Variants in MAN2A1 observed in about 807,000 individuals in gnomAD.
MAN2A1 encodes the protein alpha-mannosidase 2.
In MAN2A1, 76 loss-of-function variants were observed where a neutral mutation model predicts 142.6. The ratio of observed to expected loss-of-function variants is 0.53; its 90% CI spans 0.44 to 0.65. The LOEUF is 0.65. MAN2A1 is among the 30% of genes least tolerant of loss of function. The probability of loss-of-function intolerance (pLI) is 0.00; values close to 1 mark genes in which losing one functional copy is unlikely to be tolerated. For missense variants in MAN2A1, 1,311 were observed against 1,365.1 expected, an observed-to-expected ratio of 0.96 and a Z score of 0.62; for synonymous variants, 559 against 473.2, an observed-to-expected ratio of 1.18 and a Z score of -2.35.
intron 16 of MAN2A1, among the ~76,000 whole-genome samples, chr5:109,838,001 C>G (rs565462224): frequency 4.6e-5 from 7 of 151,426 alleles, no homozygotes; most frequent in African/African-American, 1.7e-4. Context: ...AACTGGAATG[C>G]AAAGATGGTG....
At chr5:109,779,435 C>T (rs949044846) in intron 8 of MAN2A1, among the ~76,000 whole-genome samples, 4 of 151,988 alleles carry the variant, frequency 2.6e-5, no homozygotes, top group Admixed American at 1.3e-4. Context: ...ATATTTAGAT[C>T]GTAGACTATT....
intron 4 of MAN2A1, among the ~76,000 whole-genome samples, chr5:109,733,402 G>A (rs982454127): frequency 5.3e-5 from 8 of 152,144 alleles, no homozygotes; most frequent in Non-Finnish European, 1.0e-4. Context: ...ACACTATGTT[G>A]AATAGGAGTG....
intron 8 of MAN2A1, among the ~76,000 whole-genome samples, chr5:109,777,501 C>G: frequency 6.6e-6 from 1 of 151,964 alleles, no homozygotes; most frequent in East Asian, 1.9e-4. Flanking sequence ...AATGTTGTCT[C>G]CTACTATGTA....
At chr5:109,806,073 C>T (rs1286710989) in intron 12 of MAN2A1, among the ~76,000 whole-genome samples, 1 of 152,110 alleles carries the variant, frequency 6.6e-6, no homozygotes, top group Admixed American at 6.6e-5. Context: ...GGTGGGGAGG[C>T]TTTGGAGTGA....
chr5:109,801,179 T>C (rs1460357127), intron 12 of MAN2A1, among the ~76,000 whole-genome samples: 1 of 152,176 alleles, frequency 6.6e-6, no homozygotes, highest in Non-Finnish European at 1.5e-5. Context: ...ATGGGTTCCA[T>C]GGTGCCGTCA....
chr5:109,818,013 C>T (rs1397655210), intron 13 of MAN2A1, among the ~76,000 whole-genome samples: 1 of 152,108 alleles, frequency 6.6e-6, no homozygotes, highest in African/African-American at 2.4e-5. Context: ...ATCACTGTAC[C>T]ACTAGAAAGG....
At chr5:109,795,924 G>A (rs1410120231) in intron 12 of MAN2A1, among the ~76,000 whole-genome samples, 2 of 152,036 alleles carry the variant, frequency 1.3e-5, no homozygotes, top group African/African-American at 4.8e-5. Flanking sequence ...ATGGTAATGT[G>A]GCCTTGTAGC....
intron 1 of MAN2A1, among the ~76,000 whole-genome samples, chr5:109,710,364 A>G (rs957617858): frequency 2.0e-5 from 3 of 152,204 alleles, no homozygotes; most frequent in African/African-American, 7.2e-5. Flanking sequence ...TTCAGTGTGT[A>G]CTTGTTGAGC....
At chr5:109,847,026 C>A (rs1001385191) in intron 18 of MAN2A1, among the ~76,000 whole-genome samples, 1 of 151,876 alleles carries the variant, frequency 6.6e-6, no homozygotes, top group African/African-American at 2.4e-5. Flanking sequence ...GAAGAAGAGT[C>A]CAGAAGTCTG....
intron 6 of MAN2A1, 57 bp from the exon 7 acceptor site, chr5:109,770,298 T>C: frequency 6.7e-7 from 1 of 1,488,672 alleles, no homozygotes. Flanking sequence ...ATTTTGAATA[T>C]TTTTTGGGAA....
At chr5:109,825,841 G>T (rs1051599260) in intron 16 of MAN2A1, among the ~76,000 whole-genome samples, 5 of 149,992 alleles carry the variant, frequency 3.3e-5, no homozygotes, top group Admixed American at 1.3e-4. Flanking sequence ...CTATTTGCTG[G>T]TCTTGCCTCT....
At chr5:109,704,652 C>T (rs1298683163) in intron 1 of MAN2A1, among the ~76,000 whole-genome samples, 1 of 152,062 alleles carries the variant, frequency 6.6e-6, no homozygotes, top group Non-Finnish European at 1.5e-5. Context: ...CTGTTAAGTT[C>T]CAGAGATCTG....
intron 5 of MAN2A1, among the ~76,000 whole-genome samples, chr5:109,762,771 T>C (rs534363477): frequency 6.6e-6 from 1 of 152,302 alleles, no homozygotes; most frequent in African/African-American, 2.4e-5. Context: ...GTGAACACAC[T>C]TAACAACACT....
chr5:109,708,539 C>CACACACAA (rs1470969692), intron 1 of MAN2A1, among the ~76,000 whole-genome samples: 2 of 151,556 alleles, frequency 1.3e-5, no homozygotes, highest in African/African-American at 2.4e-5. Flanking sequence ...CACACACACA[C>CACACACAA]ACACACATGA....
At chr5:109,780,351 A>C (rs1213302396) in intron 8 of MAN2A1, among the ~76,000 whole-genome samples, 2 of 151,922 alleles carry the variant, frequency 1.3e-5, no homozygotes, top group Non-Finnish European at 2.9e-5. Flanking sequence ...GAGCCACCAC[A>C]CCCGGCCAGT....
chr5:109,855,342 T>G lies in MAN2A1; in HGVS notation c.3171+8T>G. 1 of 1,499,002 alleles carries G rather than the reference T, an allele frequency of 6.7e-7. No individual in the cohort carries two copies. The highest frequency in any genetic ancestry group is 8.9e-7 in the Non-Finnish European group (1 of 1,124,460). 92.9% of individuals were successfully genotyped at this position (1,499,002 alleles called of 1,614,324 possible). On this transcript the variant is annotated splice_region_variant and intron_variant, in intron 20 of 21. Transcript: ENST00000261483. ...AGAACAATACAGTCAAAGGTATGTC[T>G]CAAAATATATCTTATAAAAAATTAC...
chr5:109,781,775 A>T (rs1753465110), intron 9 of MAN2A1, among the ~76,000 whole-genome samples, 177 bp downstream of exon 9: 1 of 152,218 alleles, frequency 6.6e-6, no homozygotes, highest in Non-Finnish European at 1.5e-5. Context: ...TCTCCAAACT[A>T]CAATCAAATT....
At chr5:109,713,012 T>A (rs1217614513) in intron 1 of MAN2A1, among the ~76,000 whole-genome samples, 1 of 152,254 alleles carries the variant, frequency 6.6e-6, no homozygotes, top group Non-Finnish European at 1.5e-5. Flanking sequence ...TTCATGCTTA[T>A]GGCTGAATTG....
chr5:109,749,425 A>G (rs1752490063), intron 4 of MAN2A1, among the ~76,000 whole-genome samples: 1 of 152,162 alleles, frequency 6.6e-6, no homozygotes, highest in Non-Finnish European at 1.5e-5. Context: ...ATTTCTCATC[A>G]TTGAAATAGA....
Sources: gnomAD v4.1 joint callset for allele counts (sites outside exome capture counted in the v4.1 genomes callset) on GRCh38, gnomAD v4.1.1 for gene constraint, MANE v1.5 for transcripts, NCBI Gene and HGNC (gene_info 2026-07-23, HGNC 2026-07-21) for gene names.